Variants in CNOT3 observed in about 807,000 individuals in gnomAD.
CNOT3 encodes CCR4-NOT transcription complex subunit 3.
In CNOT3, 2 loss-of-function variants were observed where a neutral mutation model predicts 89.4. That is an observed-to-expected ratio of 0.02 (90% CI 0.01 to 0.07). The LOEUF (loss-of-function observed/expected upper bound fraction) is 0.07, where lower values mean the gene tolerates loss of function less well. Among genes scored for constraint, CNOT3 ranks in the 10% least tolerant of loss-of-function variants. The probability of loss-of-function intolerance (pLI) is 1.00; values close to 1 mark genes in which losing one functional copy is unlikely to be tolerated. For missense variants in CNOT3, 664 were observed against 1,010.2 expected (o/e 0.66, Z 4.65); for synonymous variants, 486 against 402.0 (o/e 1.21, Z -2.50).
chr19:54,138,272 C>T (rs587685964), intron 1 of CNOT3, among the ~76,000 whole-genome samples: 2 of 152,266 alleles, frequency 1.3e-5, no homozygotes, highest in East Asian at 1.9e-4. Flanking sequence ...GCCGCCGCCT[C>T]CCCGCGTGGC....
intron 10 of CNOT3, 111 bp downstream of exon 10, chr19:54,146,768 G>T: frequency 2.6e-6 from 2 of 759,864 alleles, no homozygotes; most frequent in Non-Finnish European, 2.4e-6. Flanking sequence ...GACACAGGTG[G>T]CTCAGAAATC....
intron 13 of CNOT3, among the ~76,000 whole-genome samples, chr19:54,151,037 C>T (rs776224444): frequency 6.6e-6 from 1 of 152,076 alleles, no homozygotes; most frequent in Non-Finnish European, 1.5e-5. Context: ...GTGATCCACC[C>T]ACCTTGACCT....
intron 16 of CNOT3, chr19:54,153,363 T>C (rs2075242919): frequency 2.6e-6 from 2 of 762,270 alleles, no homozygotes; most frequent in Non-Finnish European, 4.8e-6. Flanking sequence ...TGGAGACCAC[T>C]GGGGAGCTGT....
chr19:54,150,221 G>A (rs1054461773), intron 13 of CNOT3, among the ~76,000 whole-genome samples: 1 of 151,694 alleles, frequency 6.6e-6, no homozygotes, highest in South Asian at 2.1e-4. Flanking sequence ...TGGGCCCACC[G>A]AGGGGCATCT....
rs751038532 is a variant in CNOT3, at chr19:54,152,407, G to A, written c.1706-21G>A. On this transcript the variant is annotated intron_variant, in intron 14 of 17. Transcript: ENST00000221232. ...ACCCATCCTCACCACTGAGGGGGCCGGACCCCCACCCTCCCCACAGACATC... is the reference window on the plus strand; with the variant it reads ...ACCCATCCTCACCACTGAGGGGGCCAGACCCCCACCCTCCCCACAGACATC... 5 of 1,613,664 alleles carry A rather than the reference G, an allele frequency of 3.1e-6. No individual in the cohort carries two copies. The African/African-American group carries it at 4.0e-5, about 13-fold the overall frequency.
At chr19:54,150,693 T>C (rs587682009) in intron 13 of CNOT3, among the ~76,000 whole-genome samples, 1 of 150,790 alleles carries the variant, frequency 6.6e-6, no homozygotes, top group South Asian at 2.1e-4. Flanking sequence ...GAAACGGCAA[T>C]AGTCACGATT....
At chr19:54,146,787 C>A in intron 10 of CNOT3, 130 bp downstream of exon 10, 1 of 716,184 alleles carries the variant, frequency 1.4e-6, no homozygotes, top group East Asian at 2.5e-5. Context: ...TCAGTGCTGC[C>A]CTGAGGGCAG....
chr19:54,155,459 C>T lies in CNOT3; in HGVS notation c.*52C>T, dbSNP rs754597321. The T allele has an allele frequency of 8.1e-6, 10 of 1,232,628 alleles. No homozygotes were observed. In the East Asian group the frequency reaches 1.0e-4, roughly 12 times the overall value. The allele number at this position is 1,232,628 out of a possible 1,614,324, so 76.4% of individuals were successfully genotyped here. ...CTTCCCCCGCATGCTGATCCCCCTG[C>T]CCAGGTGAGGGCCCTGCCCTGGAAG... On this transcript the variant is annotated 3_prime_UTR_variant, in exon 18 of 18. Coordinates refer to ENST00000221232, the MANE Select transcript of CNOT3 (RefSeq NM_014516.4).
At chr19:54,152,202 C>G (rs1289064965) in intron 13 of CNOT3, 24 bp from the exon 14 acceptor site, 1 of 1,612,628 alleles carries the variant, frequency 6.2e-7, no homozygotes, top group Admixed American at 1.7e-5. Context: ...AGTGCTCAGG[C>G]CAGGCCTCTT....
chr19:54,152,457 C>G lies in CNOT3; in HGVS notation c.1735C>G (p.Pro579Ala). ...CATCCTGAGCAGTACATCAGCACCT[C>G]CGGCCTCAGCCCAGCCGCCCCTGCA... Reference protein sequence around the residue: ...DIILSSTSAPPASAQPPLQLS... With the variant: ...DIILSSTSAPAASAQPPLQLS... Residue 579 changes from proline (P) to alanine (A), a missense_variant, in exon 15 of 18, where the codon CCG becomes GCG. By Grantham distance (27) the Pro-to-Ala change is conservative. This residue lies in a region of CNOT3 where 545 missense variants were observed against 566.2 expected (regional missense o/e 0.96). Transcript: ENST00000221232. 6.2e-7 allele frequency: 1 copy of G among 1,614,204 alleles called. No homozygotes were observed.
At position 54,148,698 on chromosome 19, in the gene CNOT3, C is replaced by G. The variant is rs764961664; in HGVS notation, c.1361C>G (p.Ala454Gly). 6.2e-7 allele frequency: 1 copy of G among 1,611,946 alleles called. No homozygotes were observed. The highest frequency in any genetic ancestry group is 8.5e-7 in the Non-Finnish European group (1 of 1,179,258). ...SSGGNNASSQ[A>G]LGPPSGPHNP... ...GGGGGCAACAATGCCAGCAGCCAGG[C>G]CTTGGGCCCCCCTTCCGGCCCCCAC... The change falls in exon 12 of 18, where the codon GCC (alanine) becomes GGC (glycine). Residue 454 changes from alanine to glycine, a missense_variant. Transcript: ENST00000221232. The surrounding 1 kb of genome is among the most constrained non-coding windows in gnomAD (Gnocchi z 6.3).
At chr19:54,140,443 C>A (rs776319119) in intron 1 of CNOT3, among the ~76,000 whole-genome samples, 1 of 152,092 alleles carries the variant, frequency 6.6e-6, no homozygotes, top group Non-Finnish European at 1.5e-5. Flanking sequence ...TGGTGGATGC[C>A]CCCCTGACTA....
Position 54,148,838 on chromosome 19 carries a change from C to G in CNOT3, c.1406+95C>G, listed in dbSNP as rs2074862844. 41 of 1,098,086 alleles carry G rather than the reference C, an allele frequency of 3.7e-5. 1 individual carries two copies. In the South Asian group the frequency reaches 6.3e-4, roughly 17 times the overall value. 68.0% of individuals were successfully genotyped at this position (1,098,086 alleles called of 1,614,324 possible). ...CCCCGCATCGGTGGGTTCTGAACCC[C>G]CCGCCCTTGCTGCTGGGAATGGCCA... On this transcript the variant is annotated intron_variant, in intron 12 of 17. Coordinates refer to ENST00000221232, the MANE Select transcript of CNOT3 (RefSeq NM_014516.4). This position sits in a 1 kb window ranked among gnomAD's most constrained non-coding sequence, Gnocchi z 6.3.
intron 13 of CNOT3, among the ~76,000 whole-genome samples, chr19:54,151,694 G>T (rs1293671576): frequency 3.3e-5 from 5 of 152,272 alleles, no homozygotes; most frequent in Admixed American, 3.3e-4. Context: ...TGTGGCTGCG[G>T]GGCTGGAGAC....
In CNOT3 at chr19:54,148,369, C is replaced by T. The variant is rs767822171; in HGVS notation, c.1116C>T (p.Ala372=). ...SHNSGTPAPY[A]QAVAPPAPSG... ...ACTCGGGCACCCCTGCTCCCTATGC[C>T]CAGGCTGTGGCCCCACCAGCTCCCA... The change falls in exon 11 of 18, where the codon GCC becomes GCT. Residue 372 remains alanine (A), a synonymous_variant. Transcript: ENST00000221232. This position sits in a 1 kb window ranked among gnomAD's most constrained non-coding sequence, Gnocchi z 6.3. The T allele has an allele frequency of 1.9e-6, 3 of 1,571,600 alleles. No individual in the cohort carries two copies. The highest frequency in any genetic ancestry group is 2.6e-6 in the Non-Finnish European group (3 of 1,156,694).
chr19:54,143,692 G>A lies in CNOT3; in HGVS notation c.201G>A (p.Ala67=), dbSNP rs36041696. The A allele has an allele frequency of 5.7e-5, 92 of 1,613,958 alleles. No individual in the cohort carries two copies. In the African/African-American group the frequency reaches 6.9e-4, roughly 12 times the overall value. The change falls in exon 5 of 18, where the codon GCG becomes GCA. Residue 67 remains alanine (A), a synonymous_variant. Coordinates refer to ENST00000221232, the MANE Select transcript of CNOT3 (RefSeq NM_014516.4). Reference sequence around the variant, plus strand: ...GGGACCAAATCAAGACATGGGTAGCGTCCAACGAGATCAAGGACAAGAGGC... The same window carrying A: ...GGGACCAAATCAAGACATGGGTAGCATCCAACGAGATCAAGGACAAGAGGC... The part of the protein sequence containing the change: ...RLRDQIKTWV[A]SNEIKDKRQL...
chr19:54,146,888 C>T (rs185667295), intron 10 of CNOT3, among the ~76,000 whole-genome samples: 8 of 152,172 alleles, frequency 5.3e-5, no homozygotes, highest in African/African-American at 1.7e-4. Flanking sequence ...TCAGGAGATG[C>T]TGCTGTGGAG....
chr19:54,150,963 A>G (rs2075062599), intron 13 of CNOT3, among the ~76,000 whole-genome samples: 1 of 151,694 alleles, frequency 6.6e-6, no homozygotes, highest in South Asian at 2.1e-4. Context: ...GCTAATTTTT[A>G]TATTTTTAAT....
At chr19:54,146,145 GA>G in intron 9 of CNOT3, 102 bp downstream of exon 9, 3 of 1,278,526 alleles carry the variant, frequency 2.3e-6, no homozygotes, top group Non-Finnish European at 2.2e-6. Context: ...CGTAATTGAG[GA>G]AACACAGATC....
Sources: gnomAD v4.1 joint callset for allele counts (sites outside exome capture counted in the v4.1 genomes callset) on GRCh38, gnomAD v4.1.1 for gene constraint, gnomAD v4.1.1 regional missense constraint, Gnocchi (gnomAD v3.1) non-coding constraint, MANE v1.5 for transcripts, NCBI Gene and HGNC (gene_info 2026-07-23, HGNC 2026-07-21) for gene names.